SRSF11: variants seen among roughly 807,000 people sequenced by gnomAD.
SRSF11 encodes serine/arginine-rich splicing factor 11.
Under a neutral mutation model 56.0 loss-of-function variants are expected in SRSF11, and 9 were observed. The ratio of observed to expected loss-of-function variants is 0.16; its 90% CI spans 0.10 to 0.28. The LOEUF is 0.28. SRSF11 is among the 10% of genes least tolerant of loss of function. The pLI is 1.00. For missense variants in SRSF11, 421 were observed against 600.7 expected, an observed-to-expected ratio of 0.70 and a Z score of 3.13; for synonymous variants, 222 against 215.3, an observed-to-expected ratio of 1.03 and a Z score of -0.27.
chr1:70,240,065 A>G (rs1206088311), intron 7 of SRSF11, among the ~76,000 whole-genome samples: 3 of 152,208 alleles, frequency 2.0e-5, no homozygotes, highest in Admixed American at 6.5e-5. Context: ...CTAGATTCTC[A>G]AAGGTGATAA....
At chr1:70,225,809 A>C (rs894201583) in intron 1 of SRSF11, among the ~76,000 whole-genome samples, 2 of 152,162 alleles carry the variant, frequency 1.3e-5, no homozygotes, top group East Asian at 3.8e-4. Context: ...ACTTTATATT[A>C]ATTCTAAAGA....
At chr1:70,219,488 A>G (rs1156431778), upstream of SRSF11, among the ~76,000 whole-genome samples, 1 of 152,220 alleles carries the variant, frequency 6.6e-6, no homozygotes, top group Non-Finnish European at 1.5e-5. Flanking sequence ...ACATGTTTAG[A>G]CCATCAATTT....
At chr1:70,236,014 T>A (rs1296470650) in intron 5 of SRSF11, among the ~76,000 whole-genome samples, 7 of 152,204 alleles carry the variant, frequency 4.6e-5, no homozygotes, top group African/African-American at 1.7e-4. Flanking sequence ...TTCATCAGTT[T>A]TTTTCACTGG....
At chr1:70,229,101 T>C in intron 2 of SRSF11, 1 of 1,178,948 alleles carries the variant, frequency 8.5e-7, no homozygotes, top group South Asian at 1.7e-5. Flanking sequence ...AAATGGGCAC[T>C]GGGTGTTTTA....
At chr1:70,249,931 T>G in intron 9 of SRSF11, 21 bp from the exon 10 acceptor site, 2 of 1,612,780 alleles carry the variant, frequency 1.2e-6, no homozygotes, top group Non-Finnish European at 1.7e-6. Flanking sequence ...TAAAACCTAG[T>G]TTGCACATTT....
At chr1:70,248,172 C>A (rs1294407797) in intron 9 of SRSF11, among the ~76,000 whole-genome samples, 1 of 152,018 alleles carries the variant, frequency 6.6e-6, no homozygotes, top group African/African-American at 2.4e-5. Flanking sequence ...AGTTGTACCC[C>A]TGGGGGAAAA....
chr1:70,227,473 A>G (rs1352039901), intron 1 of SRSF11, among the ~76,000 whole-genome samples: 1 of 152,130 alleles, frequency 6.6e-6, no homozygotes, highest in Non-Finnish European at 1.5e-5. Flanking sequence ...AAGAGTGTGG[A>G]TTACCCCCAA....
intron 11 of SRSF11, 48 bp from the exon 12 acceptor site, chr1:70,250,560 G>A (rs1256905266): frequency 1.2e-6 from 2 of 1,608,834 alleles, no homozygotes; most frequent in East Asian, 2.2e-5. Context: ...ACTTTCAGAA[G>A]TTATTTTTCT....
intron 1 of SRSF11, among the ~76,000 whole-genome samples, chr1:70,225,685 A>G (rs1671622306): frequency 6.6e-6 from 1 of 152,172 alleles, no homozygotes; most frequent in African/African-American, 2.4e-5. Flanking sequence ...AGATTCTGAA[A>G]TAGCCCTCAG....
At chr1:70,224,339 A>AT (rs1671306722) in intron 1 of SRSF11, among the ~76,000 whole-genome samples, 2 of 152,028 alleles carry the variant, frequency 1.3e-5, no homozygotes, top group Non-Finnish European at 2.9e-5. Context: ...AACTACTTTT[A>AT]TTTTTCCGAT....
At chr1:70,205,700 G>T, upstream of SRSF11, 1 of 643,002 alleles carries the variant, frequency 1.6e-6, no homozygotes, top group Non-Finnish European at 2.5e-6. Flanking sequence ...GATGTCGTCA[G>T]CACCAGCGCC....
At chr1:70,234,597 C>T (rs1673541904) in intron 3 of SRSF11, 99 bp from the exon 4 acceptor site, 18 of 915,762 alleles carry the variant, frequency 2.0e-5, no homozygotes, top group Non-Finnish European at 2.4e-5. Flanking sequence ...AGCCTGAAAA[C>T]TCAAGTTGTT....
rs1677848952 is a variant in SRSF11, at chr1:70,250,874, CTG to C, written c.*71_*72del. On this transcript the variant is annotated 3_prime_UTR_variant, in exon 12 of 12. Transcript: ENST00000370949. Reference sequence around the variant, plus strand: ...CATTCCTTTGTGTGATTTCTTAATGCTGTATTTGTTCATCTCAAACCTAGATG... The same window carrying C: ...CATTCCTTTGTGTGATTTCTTAATGCTATTTGTTCATCTCAAACCTAGATG... The C allele has an allele frequency of 7.1e-7, 1 of 1,405,024 alleles. No individual in the cohort carries two copies. The highest frequency in any genetic ancestry group is 1.4e-5 in the African/African-American group (1 of 70,358). The allele number at this position is 1,405,024 out of a possible 1,614,324, so 87.0% of individuals were successfully genotyped here.
intron 1 of SRSF11, among the ~76,000 whole-genome samples, chr1:70,211,041 T>C (rs1669516784): frequency 6.6e-6 from 1 of 152,192 alleles, no homozygotes; most frequent in South Asian, 2.1e-4. Flanking sequence ...TGGAAGTGTT[T>C]CCTATTATTC....
At chr1:70,231,007 T>C (rs1458191537) in intron 2 of SRSF11, 3 of 1,281,930 alleles carry the variant, frequency 2.3e-6, no homozygotes, top group Non-Finnish European at 3.0e-6. Context: ...TACATTTGTT[T>C]ATATTATCGG....
chr1:70,249,880 C>A lies in SRSF11; in HGVS notation c.1023-72C>A. 7 of 1,473,558 alleles carry A rather than the reference C, an allele frequency of 4.8e-6. No homozygotes were observed. In the South Asian group the frequency reaches 8.0e-5, roughly 17 times the overall value. The allele number at this position is 1,473,558 out of a possible 1,614,324, so 91.3% of individuals were successfully genotyped here. A position where few individuals can be genotyped will look rare whatever the true frequency, so the allele number is the denominator to read the frequency against. ...TGGCCACATCTTTCATTGTTAGAAT[C>A]ATCTATGATGTGTCTGCATTTTTAA... On this transcript the variant is annotated intron_variant, in intron 9 of 11. Coordinates refer to ENST00000370949, the MANE Select transcript of SRSF11 (RefSeq NM_001350605.2).
rs549311143 is a variant in SRSF11, at chr1:70,222,156, T to C, written c.203+317T>C. Among the ~76,000 whole-genome samples, 10 of 152,304 alleles carry C rather than the reference T, an allele frequency of 6.6e-5. No homozygotes were observed. The South Asian group carries it at 8.3e-4, about 13-fold the overall frequency. The stretch of plus-strand genomic sequence containing the variant: ...CTAACCGCAGTCTGTACGTCGTATA[T>C]AGGTTAAATCCCTTTTTTAAAAAAC... On this transcript the variant is annotated intron_variant, in intron 1 of 11. Transcript: ENST00000370949.
chr1:70,241,639 C>T (rs1411642921), intron 7 of SRSF11, among the ~76,000 whole-genome samples: 1 of 152,212 alleles, frequency 6.6e-6, no homozygotes, highest in African/African-American at 2.4e-5. Context: ...CTAATTGCCT[C>T]AACATACCAT....
chr1:70,217,574 T>G (rs1305953653), upstream of SRSF11, among the ~76,000 whole-genome samples: 1 of 152,188 alleles, frequency 6.6e-6, no homozygotes, highest in Admixed American at 6.5e-5. Context: ...TGGAACAGAT[T>G]TACGTACATA....
Sources: allele counts gnomAD v4.1 joint callset (sites outside exome capture counted in the v4.1 genomes callset), GRCh38; gene constraint gnomAD v4.1.1; transcripts MANE v1.5; gene names NCBI Gene and HGNC (gene_info 2026-07-23, HGNC 2026-07-21).